MYCBP2: variants seen among roughly 807,000 people sequenced by gnomAD.
The protein encoded by MYCBP2 is MYC binding protein 2, also known as E3 ubiquitin-protein ligase MYCBP2.
In MYCBP2, 120 loss-of-function variants were observed where a neutral mutation model predicts 525.3. The ratio of observed to expected loss-of-function variants is 0.23; its 90% CI spans 0.20 to 0.27. The LOEUF is 0.27. MYCBP2 is among the 10% of genes least tolerant of loss of function. The pLI, the probability that MYCBP2 is intolerant of heterozygous loss-of-function variation, is 1.00. For synonymous variants in MYCBP2, 1,894 were observed against 1,955.8 expected, an observed-to-expected ratio of 0.97 and a Z score of 0.83; for missense variants, 4,149 against 5,657.1, an observed-to-expected ratio of 0.73 and a Z score of 8.55.
Position 77,183,541 on chromosome 13 carries a change from C to CTTTTTTTTTTTTTT in MYCBP2, c.4719+1548_4719+1561dup, listed in dbSNP as rs60927409. Among the ~76,000 whole-genome samples the CTTTTTTTTTTTTTT allele has an allele frequency of 1.2e-4, 8 of 66,050 alleles. 2 individuals carry two copies. Among genetic ancestry groups the CTTTTTTTTTTTTTT allele is most frequent in the African/African-American group, 5.0e-4 (7 of 14,090 alleles). The allele number at this position is 66,050 out of a possible 152,430, so 43.3% of individuals were successfully genotyped here. A position where few individuals can be genotyped will look rare whatever the true frequency, so the allele number is the denominator to read the frequency against. Reference sequence around the variant, plus strand: ...TTGTTTATAGTGATAGTCCCTATTTCTTTTTTTTTTTTTTTTTTTTTTTTT... The same window carrying CTTTTTTTTTTTTTT: ...TTGTTTATAGTGATAGTCCCTATTTCTTTTTTTTTTTTTTTTTTTTTTTTTTTTTTTTTTTTTTT... On this transcript the variant is annotated intron_variant, in intron 32 of 82. Coordinates refer to ENST00000544440, the MANE Select transcript of MYCBP2 (RefSeq NM_015057.5).
chr13:77,139,980 T>A lies in MYCBP2; in HGVS notation c.7518+67A>T, dbSNP rs553323083. The A allele has an allele frequency of 4.9e-6, 5 of 1,029,236 alleles. No homozygotes were observed. The South Asian group carries it at 8.3e-5, about 17-fold the overall frequency. 63.8% of individuals were successfully genotyped at this position (1,029,236 alleles called of 1,614,324 possible). On this transcript the variant is annotated intron_variant, in intron 51 of 82. Transcript: ENST00000544440. ...TCTGACAAAAAACTCAGTAACCTTA[T>A]TATTATGCAAACAATGCAAAAACTT... is the stretch of plus-strand genomic sequence containing the variant.
chr13:77,108,421 A>ATAAG (rs2154141518), intron 55 of MYCBP2, among the ~76,000 whole-genome samples: 1 of 152,344 alleles, frequency 6.6e-6, no homozygotes, highest in African/African-American at 2.4e-5. Flanking sequence ...ACTTCAAAAT[A>ATAAG]TAAGAGACAG....
chr13:77,205,839 T>G (rs1365187598), intron 24 of MYCBP2, among the ~76,000 whole-genome samples: 1 of 152,176 alleles, frequency 6.6e-6, no homozygotes, highest in Non-Finnish European at 1.5e-5. Flanking sequence ...CTCTGAAAAG[T>G]TGAAATCACT....
chr13:77,100,277 C>T (rs528594079), intron 55 of MYCBP2: 7 of 152,140 alleles, frequency 4.6e-5, no homozygotes, highest in South Asian at 2.1e-4. Context: ...TGTATAGTCA[C>T]GCTCTATTTC....
chr13:77,233,877 C>T (rs962130338), intron 17 of MYCBP2, among the ~76,000 whole-genome samples: 4 of 145,562 alleles, frequency 2.7e-5, no homozygotes, highest in Non-Finnish European at 4.6e-5. Flanking sequence ...AGAGAGAGAA[C>T]GAGAGAGAGA....
chr13:77,231,645 T>C (rs1240891898), intron 18 of MYCBP2, among the ~76,000 whole-genome samples: 1 of 152,234 alleles, frequency 6.6e-6, no homozygotes. Context: ...TTTAAAAATC[T>C]GGAAAGGGTA....
In MYCBP2 at chr13:77,090,546, A is replaced by G. The variant is rs1243219346; in HGVS notation, c.10368-283T>C. 1.8e-5 allele frequency: 4 copies of G among 219,098 alleles called. No individual in the cohort carries two copies. In the South Asian group the frequency reaches 6.0e-4, roughly 33 times the overall value. The allele number at this position is 219,098 out of a possible 1,614,324, so 13.6% of individuals were successfully genotyped here. On this transcript the variant is annotated intron_variant, in intron 59 of 82. Transcript: ENST00000544440. Reference sequence around the variant, plus strand: ...CCAAGCTCCTTTTAGAATCAAAAGCACTGGGGTGGAATTCATGTATCATAA... The same window carrying G: ...CCAAGCTCCTTTTAGAATCAAAAGCGCTGGGGTGGAATTCATGTATCATAA...
chr13:77,097,236 G>T, intron 56 of MYCBP2, 134 bp downstream of exon 56: 1 of 1,247,426 alleles, frequency 8.0e-7, no homozygotes, highest in Non-Finnish European at 1.1e-6. Context: ...TACTGATAAT[G>T]TACTTTAAAA....
intron 18 of MYCBP2, among the ~76,000 whole-genome samples, chr13:77,229,281 GTTAC>G (rs2066788232): frequency 6.6e-6 from 1 of 152,110 alleles, no homozygotes; most frequent in Non-Finnish European, 1.5e-5. Flanking sequence ...ATTTACTATT[GTTAC>G]TTTCTTTAAT....
At chr13:77,050,506 T>C (rs1340074118) in intron 82 of MYCBP2, among the ~76,000 whole-genome samples, 1 of 152,144 alleles carries the variant, frequency 6.6e-6, no homozygotes, top group Non-Finnish European at 1.5e-5. Context: ...CCCCTCAGCC[T>C]GCTTTCCATA....
intron 34 of MYCBP2, 39 bp downstream of exon 34, chr13:77,180,088 C>T (rs765696649): frequency 8.6e-6 from 13 of 1,507,176 alleles, no homozygotes; most frequent in African/African-American, 2.8e-5. Flanking sequence ...AAAACTTACA[C>T]ATGTGCTTTT....
chr13:77,291,384 A>G lies in MYCBP2; in HGVS notation c.379-3008T>C, dbSNP rs181787156. ...AAAAAGCGAATACCATATGTTTGCA[A>G]AGATATGAAGCAACTAGATTGGTCA... On this transcript the variant is annotated intron_variant, in intron 2 of 82. Transcript: ENST00000544440. Among the ~76,000 whole-genome samples, 8 of 152,374 alleles carry G rather than the reference A, an allele frequency of 5.3e-5. No homozygotes were observed. The East Asian group carries it at 1.3e-3, about 26-fold the overall frequency.
chr13:77,249,099 C>T (rs2070648644), intron 15 of MYCBP2, among the ~76,000 whole-genome samples: 1 of 152,050 alleles, frequency 6.6e-6, no homozygotes, highest in Non-Finnish European at 1.5e-5. Flanking sequence ...ATAGTGGATG[C>T]CAGAGGCAGG....
intron 3 of MYCBP2, among the ~76,000 whole-genome samples, chr13:77,281,068 G>C (rs1414088455): frequency 6.6e-6 from 1 of 152,110 alleles, no homozygotes; most frequent in Non-Finnish European, 1.5e-5. Flanking sequence ...TAAGTATAAA[G>C]TATTTTACCA....
At chr13:77,163,710 C>T (rs1566766312) in intron 43 of MYCBP2, among the ~76,000 whole-genome samples, 2 of 152,322 alleles carry the variant, frequency 1.3e-5, no homozygotes, top group East Asian at 3.9e-4. Flanking sequence ...GACCGCCCTT[C>T]CTTACTTTCC....
intron 13 of MYCBP2, among the ~76,000 whole-genome samples, chr13:77,258,754 A>C (rs1038674984): frequency 2.0e-5 from 3 of 152,242 alleles, no homozygotes; most frequent in Non-Finnish European, 4.4e-5. Flanking sequence ...TATTATTAAC[A>C]GTACTAGCTG....
chr13:77,260,409 A>G lies in MYCBP2; in HGVS notation c.2017+19T>C, dbSNP rs1212843560. 3.9e-6 allele frequency: 6 copies of G among 1,524,744 alleles called. No individual in the cohort carries two copies. Among genetic ancestry groups the G allele is most frequent in the Non-Finnish European group, 5.3e-6 (6 of 1,141,578 alleles). 94.5% of individuals were successfully genotyped at this position (1,524,744 alleles called of 1,614,324 possible). A position where few individuals can be genotyped will look rare whatever the true frequency, so the allele number is the denominator to read the frequency against. On this transcript the variant is annotated intron_variant, in intron 13 of 82. Coordinates refer to ENST00000544440, the MANE Select transcript of MYCBP2 (RefSeq NM_015057.5). ...ATTGAAACTTCTTTGCATAAAAGTA[A>G]AACTTTTTATTAACTTACTTGAACT...
chr13:77,294,898 T>C (rs2154365254), intron 2 of MYCBP2, among the ~76,000 whole-genome samples: 1 of 152,242 alleles, frequency 6.6e-6, no homozygotes, highest in East Asian at 1.9e-4. Flanking sequence ...CATCTCAGGG[T>C]TAAAAATATA....
At chr13:77,137,050 C>T (rs1465411550) in intron 52 of MYCBP2, among the ~76,000 whole-genome samples, 1 of 152,182 alleles carries the variant, frequency 6.6e-6, no homozygotes, top group Non-Finnish European at 1.5e-5. Flanking sequence ...GAGCTGTTTA[C>T]ATTAACAACC....
Sources: allele counts gnomAD v4.1 joint callset (sites outside exome capture counted in the v4.1 genomes callset), GRCh38; gene constraint gnomAD v4.1.1; transcripts MANE v1.5; gene names NCBI Gene and HGNC (gene_info 2026-07-23, HGNC 2026-07-21).